TRAPPC9: variants seen among roughly 807,000 people sequenced by gnomAD.
TRAPPC9 encodes IKK2 binding protein.
TRAPPC9 carries 83 observed loss-of-function variants against 124.0 expected under a neutral mutation model. The ratio of observed to expected loss-of-function variants is 0.67; its 90% CI spans 0.56 to 0.80. TRAPPC9 has a LOEUF of 0.80. Among genes scored for constraint, TRAPPC9 ranks in the 30% least tolerant of loss-of-function variants. The pLI, the probability that TRAPPC9 is intolerant of heterozygous loss-of-function variation, is 0.00. For synonymous variants in TRAPPC9, 638 were observed against 617.5 expected, an observed-to-expected ratio of 1.03 and a Z score of -0.49; for missense variants, 1,302 against 1,508.3, an observed-to-expected ratio of 0.86 and a Z score of 2.27.
intron 18 of TRAPPC9, among the ~76,000 whole-genome samples, chr8:140,006,278 A>T (rs1286795016): frequency 6.6e-6 from 1 of 152,194 alleles, no homozygotes; most frequent in Non-Finnish European, 1.5e-5. Context: ...AATAAACTTT[A>T]AAAATATAAT....
intron 17 of TRAPPC9, among the ~76,000 whole-genome samples, chr8:140,083,968 C>A (rs1231278882): frequency 3.3e-5 from 5 of 152,028 alleles, no homozygotes; most frequent in Admixed American, 3.3e-4. Context: ...CTGGCCCAGG[C>A]TTGGGTTTTT....
chr8:140,050,799 C>G (rs1460230002), intron 17 of TRAPPC9, among the ~76,000 whole-genome samples: 1 of 152,162 alleles, frequency 6.6e-6, no homozygotes, highest in Non-Finnish European at 1.5e-5. Context: ...CCACCGACAA[C>G]CCCAGGAGGG....
chr8:140,338,744 C>G (rs1462056986), intron 9 of TRAPPC9, among the ~76,000 whole-genome samples: 1 of 149,774 alleles, frequency 6.7e-6, no homozygotes. Flanking sequence ...AAAACCACCG[C>G]CACCAGACGG....
chr8:139,805,572 G>C (rs1013819027), intron 21 of TRAPPC9, among the ~76,000 whole-genome samples: 1 of 152,308 alleles, frequency 6.6e-6, no homozygotes, highest in African/African-American at 2.4e-5. Flanking sequence ...TCTGGGAGTC[G>C]GGGCTGGCCA....
Position 140,216,211 on chromosome 8 carries a change from G to C in TRAPPC9, c.2556+5248C>G, listed in dbSNP as rs893387586. ...CAAGGGAATCCAAAAGGACAATTTC[G>C]ATGCAAGTGCCTGATATGCAAGAGT... On this transcript the variant is annotated intron_variant, in intron 17 of 22. Coordinates refer to ENST00000438773, the MANE Select transcript of TRAPPC9 (RefSeq NM_001160372.4). The surrounding 1 kb of genome is among the most constrained non-coding windows in gnomAD (Gnocchi z 4.1). Among the ~76,000 whole-genome samples, 1 of 152,162 alleles carries C rather than the reference G, an allele frequency of 6.6e-6. No individual in the cohort carries two copies. Among genetic ancestry groups the C allele is most frequent in the Non-Finnish European group, 1.5e-5 (1 of 68,024 alleles).
At position 140,097,704 on chromosome 8, in the gene TRAPPC9, C is replaced by T. The variant is rs1190125914; in HGVS notation, c.2557-73625G>A. 2 of 152,182 alleles carry T rather than the reference C, an allele frequency of 1.3e-5. No individual in the cohort carries two copies. Among genetic ancestry groups the T allele is most frequent in the East Asian group, 1.9e-4 (1 of 5,186 alleles). 9.4% of individuals were successfully genotyped at this position (152,182 alleles called of 1,614,324 possible). A position where few individuals can be genotyped will look rare whatever the true frequency, so the allele number is the denominator to read the frequency against. ...TGCCGCTGTCCACAGGGTAAGAACG[C>T]CTGTCTGGGTGGGTCCTTGGTGCAC... is the stretch of plus-strand genomic sequence containing the variant. On this transcript the variant is annotated intron_variant, in intron 17 of 22. Coordinates refer to ENST00000438773, the MANE Select transcript of TRAPPC9 (RefSeq NM_001160372.4). The surrounding 1 kb of genome is among the most constrained non-coding windows in gnomAD (Gnocchi z 4.2).
chr8:140,107,996 CA>C (rs1238783813), intron 17 of TRAPPC9, among the ~76,000 whole-genome samples: 3 of 151,704 alleles, frequency 2.0e-5, no homozygotes. Flanking sequence ...GACAGACACG[CA>C]CACATATATG....
intron 17 of TRAPPC9, among the ~76,000 whole-genome samples, chr8:140,153,256 T>C (rs919169245): frequency 2.0e-5 from 3 of 152,194 alleles, no homozygotes; most frequent in Non-Finnish European, 2.9e-5. Context: ...AGTTTTGCTT[T>C]GCCCTTTGAC....
In TRAPPC9 at chr8:139,989,026, G is replaced by A. The variant is rs7821102; in HGVS notation, c.2700-190C>T. 0.11 allele frequency among the ~76,000 whole-genome samples: 16,072 copies of A among 152,214 alleles called. 1,054 individuals carry two copies. Among genetic ancestry groups the A allele is most frequent in the African/African-American group, 0.18 (7,460 of 41,512 alleles). ...CGAGTGTGAACTCTAAGGAGTGGGT[G>A]TAGGCATCAGGTCCTCATCAGGTCC... is the stretch of plus-strand genomic sequence containing the variant. On this transcript the variant is annotated intron_variant, in intron 18 of 22. Coordinates refer to ENST00000438773, the MANE Select transcript of TRAPPC9 (RefSeq NM_001160372.4).
At chr8:140,364,335 C>T in intron 8 of TRAPPC9, among the ~76,000 whole-genome samples, 1 of 144,552 alleles carries the variant, frequency 6.9e-6, no homozygotes, top group East Asian at 2.1e-4. Flanking sequence ...CAATTTAAAT[C>T]TTGCCTGAAG....
intron 17 of TRAPPC9, among the ~76,000 whole-genome samples, chr8:140,088,799 A>AT (rs1410404258): frequency 1.3e-5 from 2 of 152,070 alleles, no homozygotes; most frequent in African/African-American, 2.4e-5. Flanking sequence ...ACTTCGACTT[A>AT]TTTTTTTCTC....
At chr8:140,358,833 T>C (rs1269401519) in intron 9 of TRAPPC9, among the ~76,000 whole-genome samples, 4 of 152,110 alleles carry the variant, frequency 2.6e-5, no homozygotes, top group African/African-American at 7.2e-5. Context: ...TCCCCAGAAG[T>C]TGTCCTTGAC....
intron 9 of TRAPPC9, among the ~76,000 whole-genome samples, chr8:140,348,650 T>C (rs1331781247): frequency 1.3e-5 from 2 of 152,194 alleles, no homozygotes; most frequent in African/African-American, 4.8e-5. Context: ...TGCATTCAAC[T>C]ATAGGTGACT....
At chr8:140,037,519 C>T (rs894983803) in intron 17 of TRAPPC9, among the ~76,000 whole-genome samples, 1 of 152,044 alleles carries the variant, frequency 6.6e-6, no homozygotes, top group Non-Finnish European at 1.5e-5. Context: ...TAGCCGCTCC[C>T]AGCCCTTCCA....
chr8:140,008,644 CG>C, intron 18 of TRAPPC9: 1 of 152,350 alleles, frequency 6.6e-6, no homozygotes, highest in East Asian at 1.9e-4. Context: ...GCACAAGGGT[CG>C]AGAGTAAACT....
intron 9 of TRAPPC9, among the ~76,000 whole-genome samples, chr8:140,339,521 G>T (rs1017055388): frequency 6.6e-6 from 1 of 152,174 alleles, no homozygotes; most frequent in East Asian, 1.9e-4. Flanking sequence ...GGGCCAGGGA[G>T]AAGAGAAGTT....
At chr8:139,822,671 C>T (rs922806667) in intron 21 of TRAPPC9, among the ~76,000 whole-genome samples, 1 of 152,196 alleles carries the variant, frequency 6.6e-6, no homozygotes, top group African/African-American at 2.4e-5. Flanking sequence ...AGAGGGGCTG[C>T]CATCTGCCAG....
chr8:140,373,554 A>AT (rs1472785035), intron 7 of TRAPPC9, among the ~76,000 whole-genome samples: 3 of 152,150 alleles, frequency 2.0e-5, no homozygotes, highest in African/African-American at 7.2e-5. Context: ...ATTTACCTAC[A>AT]TATCGGATCT....
At chr8:140,281,988 C>T (rs2065336788) in intron 14 of TRAPPC9, among the ~76,000 whole-genome samples, 1 of 152,148 alleles carries the variant, frequency 6.6e-6, no homozygotes, top group Non-Finnish European at 1.5e-5. Context: ...TGTGATTATT[C>T]GGCGACTTGT....
Sources: gnomAD v4.1 joint callset for allele counts (sites outside exome capture counted in the v4.1 genomes callset) on GRCh38, gnomAD v4.1.1 for gene constraint, Gnocchi (gnomAD v3.1) non-coding constraint, MANE v1.5 for transcripts, NCBI Gene and HGNC (gene_info 2026-07-23, HGNC 2026-07-21) for gene names.